The following SLC30A7 variants were observed in gnomAD, a reference collection of about 807,000 sequenced individuals.
SLC30A7 encodes zinc transporter 7.
In SLC30A7, 35 loss-of-function variants were observed where a neutral mutation model predicts 46.0. The ratio of observed to expected loss-of-function variants is 0.76; its 90% confidence interval spans 0.58 to 1.01. The LOEUF (loss-of-function observed/expected upper bound fraction) is 1.01. SLC30A7 is among the 50% of genes least tolerant of loss of function. The pLI is 0.00. For synonymous variants in SLC30A7, 147 were observed against 157.8 expected (o/e 0.93, Z 0.51); for missense variants, 464 against 451.1 (o/e 1.03, Z -0.26).
At chr1:100,939,105 A>G (rs756857157) in intron 8 of SLC30A7, among the ~76,000 whole-genome samples, 4 of 152,228 alleles carry the variant, frequency 2.6e-5, no homozygotes, top group Non-Finnish European at 5.9e-5. Flanking sequence ...GTGTAACACT[A>G]GAGGCATTAC....
intron 10 of SLC30A7, among the ~76,000 whole-genome samples, chr1:100,968,069 T>G (rs1051759681): frequency 1.3e-5 from 2 of 152,166 alleles, no homozygotes; most frequent in African/African-American, 4.8e-5. Context: ...TAAATACATA[T>G]GTAGAGAGAT....
chr1:100,916,545 T>A (rs1442860609), intron 6 of SLC30A7, among the ~76,000 whole-genome samples: 3 of 152,118 alleles, frequency 2.0e-5, no homozygotes, highest in African/African-American at 7.2e-5. Context: ...CAGTGTGAAA[T>A]AATCACATCA....
the SLC30A7 span, among the ~76,000 whole-genome samples, chr1:100,988,408 G>T: frequency 2.0e-5 from 3 of 152,152 alleles, no homozygotes; most frequent in African/African-American, 7.2e-5. Flanking sequence ...GGGAGGGTTT[G>T]TACATTACAA....
At chr1:100,946,918 G>C (rs1440303349) in intron 8 of SLC30A7, among the ~76,000 whole-genome samples, 2 of 152,070 alleles carry the variant, frequency 1.3e-5, no homozygotes, top group Non-Finnish European at 1.5e-5. Context: ...TCTGGTCCTG[G>C]ACTTTTTTTG....
At chr1:100,960,677 T>TA (rs1168889008) in intron 8 of SLC30A7, among the ~76,000 whole-genome samples, 1 of 152,168 alleles carries the variant, frequency 6.6e-6, no homozygotes, top group East Asian at 1.9e-4. Context: ...TTCTGTAAGT[T>TA]TAAAAGTGAG....
the SLC30A7 span, among the ~76,000 whole-genome samples, chr1:100,994,415 C>T: frequency 2.4e-4 from 36 of 152,230 alleles, no homozygotes; most frequent in Middle Eastern, 6.8e-3. Flanking sequence ...GTATTAGACA[C>T]TGCCTCTCTA....
chr1:100,993,559 AATATATATATATATATATATATATATAT>A, the SLC30A7 span, among the ~76,000 whole-genome samples: 14 of 56,536 alleles, frequency 2.5e-4, no homozygotes, highest in South Asian at 9.0e-4. Flanking sequence ...CGAAAATATA[AATATATATATATATATATATATATATAT>A]ATATATATAT....
chr1:100,957,597 A>C (rs535745781), intron 8 of SLC30A7, among the ~76,000 whole-genome samples: 19 of 152,326 alleles, frequency 1.2e-4, no homozygotes, highest in African/African-American at 4.3e-4. Context: ...ATTTAATGGC[A>C]GAATCAGAAC....
At chr1:100,947,754 G>A (rs1404177898) in intron 8 of SLC30A7, among the ~76,000 whole-genome samples, 1 of 152,142 alleles carries the variant, frequency 6.6e-6, no homozygotes, top group African/African-American at 2.4e-5. Flanking sequence ...TATATATTTA[G>A]GATAGTTAGC....
chr1:100,988,164 CCTT>C, the SLC30A7 span, among the ~76,000 whole-genome samples: 1 of 152,116 alleles, frequency 6.6e-6, no homozygotes, highest in Non-Finnish European at 1.5e-5. Context: ...ATTTCTGACA[CCTT>C]CATTTCTAGG....
the SLC30A7 span, among the ~76,000 whole-genome samples, chr1:100,993,277 G>T: frequency 6.6e-6 from 1 of 152,024 alleles, no homozygotes; most frequent in African/African-American, 2.4e-5. Context: ...TGCAGGCCAG[G>T]CGTGGTGGCT....
Position 100,975,840 on chromosome 1 carries a change from T to G in SLC30A7, c.*983T>G, listed in dbSNP as rs1187739098. The G allele has an allele frequency of 2.1e-4, 32 of 151,172 alleles. No individual in the cohort carries two copies. Among genetic ancestry groups the G allele is most frequent in the East Asian group, 9.7e-4 (5 of 5,172 alleles). 9.4% of individuals were successfully genotyped at this position (151,172 alleles called of 1,614,324 possible). Reference sequence around the variant, plus strand: ...CACGCCCGGCTATGTTTTTTTTTTTTTTTTTTTTTTTTTTTAACAATGGAT... The same window carrying G: ...CACGCCCGGCTATGTTTTTTTTTTTGTTTTTTTTTTTTTTTAACAATGGAT... On this transcript the variant is annotated 3_prime_UTR_variant, in exon 11 of 11. Coordinates refer to ENST00000357650, the MANE Select transcript of SLC30A7 (RefSeq NM_133496.5).
chr1:100,918,965 G>A (rs1652769704), intron 7 of SLC30A7, among the ~76,000 whole-genome samples: 1 of 152,174 alleles, frequency 6.6e-6, no homozygotes, highest in Non-Finnish European at 1.5e-5. Context: ...TGAAGCCAAA[G>A]TCATAAGTTG....
At chr1:100,955,367 T>C (rs1655169454) in intron 8 of SLC30A7, among the ~76,000 whole-genome samples, 1 of 152,116 alleles carries the variant, frequency 6.6e-6, no homozygotes, top group South Asian at 2.1e-4. Context: ...AGCTTTCAAA[T>C]TAATATTATG....
At chr1:100,931,477 G>A (rs1017585356) in intron 8 of SLC30A7, among the ~76,000 whole-genome samples, 3 of 152,068 alleles carry the variant, frequency 2.0e-5, no homozygotes, top group African/African-American at 7.2e-5. Context: ...AGGGAGCAGG[G>A]TTTTTGGTTA....
intron 8 of SLC30A7, among the ~76,000 whole-genome samples, chr1:100,954,946 C>G (rs6577222): frequency 0.28 from 42,481 of 151,626 alleles, 6,075 homozygotes; most frequent in Middle Eastern, 0.34. Flanking sequence ...ATTTTTAAAA[C>G]TATAATTTTC....
At chr1:100,956,538 A>C (rs1655236899) in intron 8 of SLC30A7, among the ~76,000 whole-genome samples, 1 of 152,176 alleles carries the variant, frequency 6.6e-6, no homozygotes, top group Admixed American at 6.5e-5. Flanking sequence ...GAATGTCTTT[A>C]ATGTTTTAAG....
At chr1:100,964,074 G>C (rs1354970355) in intron 9 of SLC30A7, among the ~76,000 whole-genome samples, 1 of 151,968 alleles carries the variant, frequency 6.6e-6, no homozygotes, top group East Asian at 1.9e-4. Flanking sequence ...AATGTACCAG[G>C]CAGTGTAATC....
chr1:100,915,989 A>G (rs531120664), intron 6 of SLC30A7, among the ~76,000 whole-genome samples: 10 of 152,044 alleles, frequency 6.6e-5, no homozygotes, highest in East Asian at 5.8e-4. Flanking sequence ...ATGATATCTT[A>G]TTGTGATTCT....
Sources: allele counts gnomAD v4.1 joint callset (sites outside exome capture counted in the v4.1 genomes callset), GRCh38; gene constraint gnomAD v4.1.1; transcripts MANE v1.5; gene names NCBI Gene and HGNC (gene_info 2026-07-23, HGNC 2026-07-21).